Variants in PREX1 observed in about 807,000 individuals in gnomAD.
PREX1 encodes phosphatidylinositol 3,4,5-trisphosphate-dependent Rac exchanger 1 protein.
In PREX1, 41 loss-of-function variants were observed where a neutral mutation model predicts 198.3. The ratio of observed to expected loss-of-function variants is 0.21; its 90% CI spans 0.16 to 0.27. The LOEUF is 0.27. Among genes scored for constraint, PREX1 ranks in the 10% least tolerant of loss-of-function variants. PREX1 has a pLI of 1.00. For synonymous variants in PREX1, 843 were observed against 887.2 expected, an observed-to-expected ratio of 0.95 and a Z score of 0.89; for missense variants, 1,620 against 2,200.7, an observed-to-expected ratio of 0.74 and a Z score of 5.28.
In PREX1 at chr20:48,681,218, C is replaced by T. The variant is rs778507627; in HGVS notation, c.1435+17G>A. On this transcript the variant is annotated intron_variant, in intron 11 of 39. Coordinates refer to ENST00000371941, the MANE Select transcript of PREX1 (RefSeq NM_020820.4). ...GTTCCCACCCCTTGGCCCAGCTGGG[C>T]CCAGCCCTCCACTCACCATGGTGGA... The T allele has an allele frequency of 8.1e-6, 13 of 1,611,098 alleles. No homozygotes were observed. Among genetic ancestry groups the T allele is most frequent in the Middle Eastern group, 1.6e-4 (1 of 6,068 alleles).
chr20:48,747,462 G>A (rs966596341), intron 2 of PREX1, among the ~76,000 whole-genome samples: 12 of 152,338 alleles, frequency 7.9e-5, no homozygotes, highest in Admixed American at 6.5e-4. Context: ...CCCGGCTCCC[G>A]GGGGCACTTG....
the PREX1 span, among the ~76,000 whole-genome samples, chr20:48,842,910 T>C: frequency 6.6e-6 from 1 of 152,164 alleles, no homozygotes; most frequent in African/African-American, 2.4e-5. Flanking sequence ...ATGCTCAATA[T>C]AAACAAGGGT....
chr20:48,806,942 T>C (rs918435815), intron 1 of PREX1, among the ~76,000 whole-genome samples: 4 of 151,996 alleles, frequency 2.6e-5, no homozygotes, highest in Non-Finnish European at 4.4e-5. Flanking sequence ...AGAAGAGGTA[T>C]AGGGACAGTT....
intron 1 of PREX1, among the ~76,000 whole-genome samples, chr20:48,762,683 G>A (rs1444477292): frequency 1.3e-5 from 2 of 150,542 alleles, no homozygotes; most frequent in Admixed American, 6.7e-5. Flanking sequence ...GTACCTGACT[G>A]CTAATGGTAT....
At chr20:48,652,464 T>C (rs1601046371) in intron 21 of PREX1, 122 bp downstream of exon 21, 1 of 1,324,918 alleles carries the variant, frequency 7.5e-7, no homozygotes, top group Non-Finnish European at 1.0e-6. Flanking sequence ...AAAACAAACC[T>C]GCTGGCATGG....
At chr20:48,743,415 G>A (rs1191694912) in intron 3 of PREX1, among the ~76,000 whole-genome samples, 1 of 152,092 alleles carries the variant, frequency 6.6e-6, no homozygotes, top group African/African-American at 2.4e-5. Flanking sequence ...ACTTGGTGGG[G>A]TAACCTCTTA....
At position 48,646,407 on chromosome 20, in the gene PREX1, G is replaced by C. The variant is rs79245121; in HGVS notation, c.3306-350C>G. Among the ~76,000 whole-genome samples the C allele has an allele frequency of 9.2e-4, 140 of 152,314 alleles. 2 individuals are homozygous for C. The East Asian group carries it at 0.017, about 18-fold the overall frequency. ...TTTAAAAATGAAAACAATCAGCTGG[G>C]CGCAGTGGTTCACACCTGTAATCCC... is the stretch of plus-strand genomic sequence containing the variant. On this transcript the variant is annotated intron_variant, in intron 25 of 39. Transcript: ENST00000371941.
At chr20:48,786,551 C>T (rs1163084758) in intron 1 of PREX1, among the ~76,000 whole-genome samples, 1 of 152,094 alleles carries the variant, frequency 6.6e-6, no homozygotes, top group African/African-American at 2.4e-5. Context: ...CGAGACCAGC[C>T]TGGCCAACAT....
Position 48,700,790 on chromosome 20 carries a change from A to G in PREX1, c.880T>C (p.Phe294Leu). 1 of 1,613,884 alleles carries G rather than the reference A, an allele frequency of 6.2e-7. No homozygotes were observed. The highest frequency in any genetic ancestry group is 2.2e-5 in the East Asian group (1 of 44,888). The change falls in exon 7 of 40, where the codon TTC (phenylalanine) becomes CTC (leucine). Residue 294 changes from phenylalanine to leucine, a missense_variant. By Grantham distance (22) the Phe-to-Leu change is conservative (BLOSUM62 0). Around this residue, in one of 7 missense-constraint regions of PREX1, gnomAD observed 488 missense variants for 802.5 expected, o/e 0.61. Transcript: ENST00000371941. ...TTGCAGTAGACGAGAAGGTTGTCGA[A>G]GAGGAAGAAGGCCCTTTCCTGGATG... The part of the protein sequence containing the change: ...GNIQERAFFL[F>L]DNLLVYCKRK...
the PREX1 span, among the ~76,000 whole-genome samples, chr20:48,861,472 T>C: frequency 6.6e-6 from 1 of 152,200 alleles, no homozygotes. Flanking sequence ...GGAAGTGCAC[T>C]GTCTGGAAGG....
At position 48,632,177 on chromosome 20, in the gene PREX1, C is replaced by T. The variant is rs1371669099; in HGVS notation, c.4526+100G>A. The T allele has an allele frequency of 7.2e-6, 8 of 1,112,494 alleles. No homozygotes were observed. In the East Asian group the frequency reaches 1.6e-4, roughly 23 times the overall value. The allele number at this position is 1,112,494 out of a possible 1,614,324, so 68.9% of individuals were successfully genotyped here. A position where few individuals can be genotyped will look rare whatever the true frequency, so the allele number is the denominator to read the frequency against. Reference sequence around the variant, plus strand: ...TGCTCAAGAAAGGGTGTGCGGCCCACTGCCCATGCTGGGGGTCCGCCTGGC... The same window carrying T: ...TGCTCAAGAAAGGGTGTGCGGCCCATTGCCCATGCTGGGGGTCCGCCTGGC... On this transcript the variant is annotated intron_variant, in intron 35 of 39. Transcript: ENST00000371941.
the PREX1 span, among the ~76,000 whole-genome samples, chr20:48,881,870 A>C: frequency 6.6e-6 from 1 of 151,832 alleles, no homozygotes; most frequent in Non-Finnish European, 1.5e-5. Context: ...TGTTTTCATC[A>C]CTCTCAAAAG....
Position 48,747,830 on chromosome 20 carries a change from G to A in PREX1, c.270C>T (p.Gly90=). 1 of 1,613,466 alleles carries A rather than the reference G, an allele frequency of 6.2e-7. No individual in the cohort carries two copies. Among genetic ancestry groups the A allele is most frequent in the Non-Finnish European group, 8.5e-7 (1 of 1,179,764 alleles). ...RQNVADSVEK[G]LTEENVKVLF... Reference sequence around the variant, plus strand: ...ACACCTTGACATTCTCCTCCGTGAGGCCCTTCTCCACTGAGTCGGCCACGT... The same window carrying A: ...ACACCTTGACATTCTCCTCCGTGAGACCCTTCTCCACTGAGTCGGCCACGT... The change falls in exon 2 of 40, where the codon GGC becomes GGT. Residue 90 remains glycine, a synonymous_variant. Transcript: ENST00000371941.
intron 1 of PREX1, among the ~76,000 whole-genome samples, chr20:48,782,205 G>A (rs942032780): frequency 6.6e-6 from 1 of 152,182 alleles, no homozygotes; most frequent in Non-Finnish European, 1.5e-5. Context: ...ATCTCATCTC[G>A]AATTGTAGCT....
intron 1 of PREX1, among the ~76,000 whole-genome samples, chr20:48,771,156 C>T (rs957649192): frequency 2.6e-5 from 4 of 151,862 alleles, no homozygotes; most frequent in African/African-American, 9.7e-5. Context: ...GCATGGCTGT[C>T]ATCACCGGTT....
At chr20:48,888,126 A>G in the PREX1 span, among the ~76,000 whole-genome samples, 93 of 152,228 alleles carry the variant, frequency 6.1e-4, no homozygotes, top group Non-Finnish European at 1.2e-3. Context: ...GGAATTTCTC[A>G]GAATCATTGT....
rs542724825 is a variant in PREX1, at chr20:48,691,239, C to T, written c.1037-143G>A. 165 of 1,028,508 alleles carry T rather than the reference C, an allele frequency of 1.6e-4. 1 individual carries two copies. The highest frequency in any genetic ancestry group is 1.3e-4 in the African/African-American group (8 of 62,662). The allele number at this position is 1,028,508 out of a possible 1,614,324, so 63.7% of individuals were successfully genotyped here. A position where few individuals can be genotyped will look rare whatever the true frequency, so the allele number is the denominator to read the frequency against. Reference sequence around the variant, plus strand: ...GGAGCTGGACTTCCAGCCCTTCAAACGCTCACTTCTTATCCTTTTCCAGTG... The same window carrying T: ...GGAGCTGGACTTCCAGCCCTTCAAATGCTCACTTCTTATCCTTTTCCAGTG... On this transcript the variant is annotated intron_variant, in intron 8 of 39. Coordinates refer to ENST00000371941, the MANE Select transcript of PREX1 (RefSeq NM_020820.4). This position sits in a 1 kb window ranked among gnomAD's most constrained non-coding sequence, Gnocchi z 5.0.
chr20:48,792,340 C>T (rs1283909668), intron 1 of PREX1, among the ~76,000 whole-genome samples: 1 of 152,090 alleles, frequency 6.6e-6, no homozygotes, highest in African/African-American at 2.4e-5. Context: ...CATGGTGGCT[C>T]ATGCCTGTAA....
At chr20:48,754,597 G>A (rs1456169788) in intron 1 of PREX1, among the ~76,000 whole-genome samples, 3 of 150,874 alleles carry the variant, frequency 2.0e-5, no homozygotes, top group Non-Finnish European at 4.4e-5. Flanking sequence ...GAGGGGGCCC[G>A]ACTGCCCCCA....
Sources: gnomAD v4.1 joint callset for allele counts (sites outside exome capture counted in the v4.1 genomes callset) on GRCh38, gnomAD v4.1.1 for gene constraint, gnomAD v4.1.1 regional missense constraint, Gnocchi (gnomAD v3.1) non-coding constraint, MANE v1.5 for transcripts, NCBI Gene and HGNC (gene_info 2026-07-23, HGNC 2026-07-21) for gene names.